The following SCHIP1 variants were observed in gnomAD, a reference collection of about 807,000 sequenced individuals.
The protein encoded by SCHIP1 is schwannomin-interacting protein 1.
Under a neutral mutation model 29.7 loss-of-function variants are expected in SCHIP1, and 8 were observed. The ratio of observed to expected loss-of-function variants is 0.27; its 90% confidence interval spans 0.16 to 0.49. The LOEUF (loss-of-function observed/expected upper bound fraction) is 0.49, where lower values mean the gene tolerates loss of function less well. SCHIP1 is among the 20% of genes least tolerant of loss of function. The pLI is 0.99. For missense variants in SCHIP1, 193 were observed against 294.6 expected, an observed-to-expected ratio of 0.66 and a Z score of 2.52; for synonymous variants, 76 against 94.9, an observed-to-expected ratio of 0.80 and a Z score of 1.16.
the SCHIP1 span, among the ~76,000 whole-genome samples, chr3:159,625,817 C>T: frequency 6.6e-6 from 1 of 152,056 alleles, no homozygotes; most frequent in African/African-American, 2.4e-5. Context: ...GGCTTCCCTC[C>T]CTTCTGTATT....
chr3:159,678,539 TTA>T, the SCHIP1 span, among the ~76,000 whole-genome samples: 1 of 152,254 alleles, frequency 6.6e-6, no homozygotes, highest in Non-Finnish European at 1.5e-5. Flanking sequence ...TACAATTTAC[TTA>T]TATCTAAAAC....
chr3:159,825,650 T>C, the SCHIP1 span, among the ~76,000 whole-genome samples: 1 of 152,202 alleles, frequency 6.6e-6, no homozygotes, highest in Non-Finnish European at 1.5e-5. Context: ...ACCTACTATA[T>C]GCCTGGCACT....
chr3:159,872,564 A>G (rs1261197818), intron 2 of SCHIP1, among the ~76,000 whole-genome samples: 1 of 152,210 alleles, frequency 6.6e-6, no homozygotes, highest in Non-Finnish European at 1.5e-5. Flanking sequence ...AACAAGCTAC[A>G]CTTGTTGACT....
At chr3:159,684,305 T>G in the SCHIP1 span, among the ~76,000 whole-genome samples, 1 of 152,200 alleles carries the variant, frequency 6.6e-6, no homozygotes, top group Non-Finnish European at 1.5e-5. Context: ...CTGCCTTGTC[T>G]TTCCTTCAAA....
At chr3:159,626,787 T>C in the SCHIP1 span, among the ~76,000 whole-genome samples, 847 of 152,306 alleles carry the variant, frequency 5.6e-3, 11 homozygotes, top group African/African-American at 0.02. Context: ...TCTCCTAGAT[T>C]GCATTCCTGT....
chr3:159,604,215 C>T, the SCHIP1 span, among the ~76,000 whole-genome samples: 416 of 152,234 alleles, frequency 2.7e-3, 1 homozygote, highest in Middle Eastern at 0.017. Context: ...TAAGAATAAA[C>T]CAACATCCAT....
At chr3:159,395,079 G>C in the SCHIP1 span, among the ~76,000 whole-genome samples, 95,013 of 152,114 alleles carry the variant, frequency 0.62, 30,386 homozygotes, top group East Asian at 0.75. Context: ...TCCATTTCTT[G>C]TAGATTTTCT....
chr3:159,325,982 C>T, the SCHIP1 span, among the ~76,000 whole-genome samples: 50 of 152,168 alleles, frequency 3.3e-4, 1 homozygote, highest in Admixed American at 3.2e-3. Flanking sequence ...TGATTGGACA[C>T]TTGTAATGTG....
At chr3:159,543,023 G>A in the SCHIP1 span, among the ~76,000 whole-genome samples, 2 of 151,120 alleles carry the variant, frequency 1.3e-5, no homozygotes, top group African/African-American at 4.9e-5. Context: ...ATGACATTAA[G>A]TGTGTATGTG....
chr3:159,607,287 T>C, the SCHIP1 span, among the ~76,000 whole-genome samples: 1 of 152,226 alleles, frequency 6.6e-6, no homozygotes, highest in South Asian at 2.1e-4. Context: ...ACACCTTATC[T>C]TCTTGATTTT....
the SCHIP1 span, among the ~76,000 whole-genome samples, chr3:159,759,774 C>A: frequency 6.6e-6 from 1 of 152,194 alleles, no homozygotes; most frequent in African/African-American, 2.4e-5. Flanking sequence ...CTTTGCCAGC[C>A]ATTTCTTTAT....
chr3:159,656,991 C>T, the SCHIP1 span, among the ~76,000 whole-genome samples: 6 of 152,128 alleles, frequency 3.9e-5, no homozygotes, highest in South Asian at 1.3e-3. Flanking sequence ...TACCTGTGTT[C>T]AGAGTGTGCA....
At chr3:159,595,341 G>T in the SCHIP1 span, among the ~76,000 whole-genome samples, 1 of 152,132 alleles carries the variant, frequency 6.6e-6, no homozygotes, top group African/African-American at 2.4e-5. Context: ...GGTTATTCCT[G>T]CTTCAATGGT....
the SCHIP1 span, among the ~76,000 whole-genome samples, chr3:159,668,835 A>G: frequency 6.6e-6 from 1 of 152,212 alleles, no homozygotes; most frequent in Non-Finnish European, 1.5e-5. Flanking sequence ...CTTTTCAAAT[A>G]AAAGTGTTAT....
At chr3:159,677,921 G>A in the SCHIP1 span, among the ~76,000 whole-genome samples, 1 of 152,004 alleles carries the variant, frequency 6.6e-6, no homozygotes, top group African/African-American at 2.4e-5. Flanking sequence ...CTATAACCTC[G>A]AAGTCACGGC....
At chr3:159,747,989 T>C in the SCHIP1 span, among the ~76,000 whole-genome samples, 3 of 152,220 alleles carry the variant, frequency 2.0e-5, no homozygotes, top group African/African-American at 4.8e-5. Context: ...GATCATAAAG[T>C]TTCATCCTTC....
the SCHIP1 span, among the ~76,000 whole-genome samples, chr3:159,392,393 G>T: frequency 1.3e-5 from 2 of 151,966 alleles, no homozygotes; most frequent in African/African-American, 4.8e-5. Flanking sequence ...CAAGTGCCAT[G>T]CTGGTGCGCT....
chr3:159,760,294 G>A, the SCHIP1 span, among the ~76,000 whole-genome samples: 6 of 152,160 alleles, frequency 3.9e-5, no homozygotes, highest in Non-Finnish European at 7.3e-5. Flanking sequence ...TACTGCCCAA[G>A]GAGCCTCTGC....
At chr3:159,680,713 A>ATGT in the SCHIP1 span, among the ~76,000 whole-genome samples, 12 of 80,006 alleles carry the variant, frequency 1.5e-4, 1 homozygote, top group East Asian at 2.0e-3. Context: ...TATTATATAT[A>ATGT]ATATATGTAT....
Sources: allele counts gnomAD v4.1 joint callset (sites outside exome capture counted in the v4.1 genomes callset), GRCh38; gene constraint gnomAD v4.1.1; transcripts MANE v1.5; gene names NCBI Gene and HGNC (gene_info 2026-07-23, HGNC 2026-07-21).